DENND4C: variants seen among roughly 807,000 people sequenced by gnomAD.
DENND4C encodes DENN domain-containing protein 4C.
DENND4C carries 108 observed loss-of-function variants against 203.0 expected under a neutral mutation model. The observed-to-expected ratio is 0.53, with a 90% CI of 0.46 to 0.62. The LOEUF is 0.62. Among genes scored for constraint, DENND4C ranks in the 20% least tolerant of loss-of-function variants. The pLI is 0.00. For missense variants in DENND4C, 2,481 were observed against 2,301.2 expected (o/e 1.08, Z -1.60); for synonymous variants, 871 against 792.4 (o/e 1.10, Z -1.67).
At chr9:19,298,171 G>A in intron 7 of DENND4C, 49 bp downstream of exon 7, 1 of 1,517,620 alleles carries the variant, frequency 6.6e-7, no homozygotes, top group African/African-American at 1.4e-5. Flanking sequence ...ATGCTCACCT[G>A]AGTCATTGCA....
At chr9:19,319,342 A>G (rs1842415484) in intron 12 of DENND4C, among the ~76,000 whole-genome samples, 1 of 72,246 alleles carries the variant, frequency 1.4e-5, no homozygotes, top group African/African-American at 4.9e-5. Flanking sequence ...ATATACACAT[A>G]TATATATACT....
intron 9 of DENND4C, among the ~76,000 whole-genome samples, chr9:19,301,105 G>C (rs1214864261): frequency 1.3e-5 from 2 of 151,888 alleles, no homozygotes; most frequent in Non-Finnish European, 2.9e-5. Context: ...TTGAACCCAG[G>C]AGGCGGAGGT....
intron 1 of DENND4C, among the ~76,000 whole-genome samples, chr9:19,244,119 C>T (rs568548834): frequency 2.1e-4 from 32 of 152,306 alleles, no homozygotes; most frequent in African/African-American, 7.2e-4. Flanking sequence ...CCGCCTCCGC[C>T]TCCCGGGTTT....
intron 21 of DENND4C, 102 bp downstream of exon 21, chr9:19,341,216 T>C: frequency 1.0e-6 from 1 of 993,652 alleles, no homozygotes; most frequent in Non-Finnish European, 1.4e-6. Context: ...TTTTCACAAA[T>C]GTAAGGTCTG....
chr9:19,364,573 C>A (rs977980144), intron 30 of DENND4C, among the ~76,000 whole-genome samples: 3 of 152,190 alleles, frequency 2.0e-5, no homozygotes, highest in Non-Finnish European at 4.4e-5. Context: ...TGTTCCCAGC[C>A]CCAGCTCCAG....
chr9:19,268,290 G>T (rs1338243213), intron 1 of DENND4C, among the ~76,000 whole-genome samples: 1 of 152,054 alleles, frequency 6.6e-6, no homozygotes, highest in East Asian at 1.9e-4. Context: ...TGTAGAGACG[G>T]GGTTTTGCCA....
At chr9:19,235,890 G>A (rs187878458) in intron 1 of DENND4C, among the ~76,000 whole-genome samples, 140 of 151,814 alleles carry the variant, frequency 9.2e-4, no homozygotes, top group African/African-American at 3.4e-3. Context: ...GAGCCACTGC[G>A]CCTGGCCAGA....
chr9:19,292,098 C>T (rs1349066046), intron 5 of DENND4C, among the ~76,000 whole-genome samples: 3 of 152,008 alleles, frequency 2.0e-5, no homozygotes, highest in African/African-American at 4.8e-5. Context: ...GATCTCGGCT[C>T]ACTGCAACCT....
intron 1 of DENND4C, among the ~76,000 whole-genome samples, chr9:19,248,977 G>C (rs1825911922): frequency 6.6e-6 from 1 of 152,114 alleles, no homozygotes; most frequent in East Asian, 1.9e-4. Flanking sequence ...TTTTAGTAGA[G>C]ATGGGGTTTC....
chr9:19,332,765 ATTTTTTTT>A (rs35052178), intron 17 of DENND4C, among the ~76,000 whole-genome samples: 9 of 110,496 alleles, frequency 8.1e-5, no homozygotes, highest in African/African-American at 3.0e-4. Flanking sequence ...TCTGTTTTTG[ATTTTTTTT>A]TTTTTTTTTT....
At chr9:19,233,002 C>T (rs896858040) in intron 1 of DENND4C, among the ~76,000 whole-genome samples, 2 of 150,558 alleles carry the variant, frequency 1.3e-5, no homozygotes, top group African/African-American at 4.9e-5. Context: ...AGGGGAATCT[C>T]TTAGAGCCTA....
intron 2 of DENND4C, among the ~76,000 whole-genome samples, chr9:19,282,715 CTTT>C: frequency 1.2e-5 from 1 of 86,660 alleles, no homozygotes; most frequent in Middle Eastern, 8.1e-3. Flanking sequence ...TTTCTTCTCT[CTTT>C]TTTTTTTTTT....
At position 19,345,190 on chromosome 9, in the gene DENND4C, A is replaced by G. The variant is rs74471821; in HGVS notation, c.3152-731A>G. The stretch of plus-strand genomic sequence containing the variant: ...TTGGTCTTGGAGTGAAACAAATTGC[A>G]TGGTAGCCAAGAGTAAAAGACTGCT... On this transcript the variant is annotated intron_variant, in intron 22 of 32. Transcript: ENST00000434457. Among the ~76,000 whole-genome samples, 108 of 152,350 alleles carry G rather than the reference A, an allele frequency of 7.1e-4. 2 individuals are homozygous for G. The East Asian group carries it at 0.019, about 26-fold the overall frequency.
chr9:19,231,305 A>G (rs1347105877), intron 1 of DENND4C, among the ~76,000 whole-genome samples: 1 of 151,150 alleles, frequency 6.6e-6, no homozygotes, highest in East Asian at 1.9e-4. Flanking sequence ...GGGACTGAGA[A>G]GTGTCGGGGA....
intron 30 of DENND4C, among the ~76,000 whole-genome samples, chr9:19,363,763 C>A (rs1827022622): frequency 6.6e-6 from 1 of 152,074 alleles, no homozygotes; most frequent in Admixed American, 6.5e-5. Context: ...GTAATCCCAG[C>A]ACTTTGGGAG....
chr9:19,297,057 G>C (rs1401312909), intron 6 of DENND4C, among the ~76,000 whole-genome samples: 2 of 152,038 alleles, frequency 1.3e-5, no homozygotes, highest in East Asian at 1.9e-4. Context: ...CTTTTTTAAA[G>C]CATCTTTTCT....
intron 2 of DENND4C, among the ~76,000 whole-genome samples, chr9:19,282,362 A>G (rs1834235841): frequency 6.7e-6 from 1 of 150,160 alleles, no homozygotes; most frequent in African/African-American, 2.5e-5. Context: ...CTCAGGCGAT[A>G]ATCCTTTCAC....
chr9:19,345,976 T>G lies in DENND4C; in HGVS notation c.3207T>G (p.Phe1069Leu). 1.2e-6 allele frequency: 2 copies of G among 1,614,118 alleles called. No individual in the cohort carries two copies. Among genetic ancestry groups the G allele is most frequent in the African/African-American group, 2.7e-5 (2 of 75,084 alleles). Residue 1069 changes from phenylalanine (F) to leucine (L), a missense_variant, in exon 23 of 33, where the codon TTT becomes TTG. Physicochemically the swap from Phe to Leu is conservative, Grantham distance 22 (BLOSUM62 0). This residue lies in a region of DENND4C where 2,289 missense variants were observed against 2,113.3 expected (regional missense o/e 1.08). Transcript: ENST00000434457. ...STQDPVEDAVFGEATNLKKNG... is the reference protein window; with the variant it reads ...STQDPVEDAVLGEATNLKKNG... ...AAGATCCAGTTGAAGATGCAGTCTT[T>G]GGCGAAGCTACTAATCTCAAGAAGA...
chr9:19,297,996 A>T, intron 6 of DENND4C, 60 bp from the exon 7 acceptor site: 3 of 1,332,304 alleles, frequency 2.3e-6, no homozygotes, highest in Non-Finnish European at 3.1e-6. Flanking sequence ...AAGATTTGTT[A>T]AAAACTGTGA....
Sources: allele counts gnomAD v4.1 joint callset (sites outside exome capture counted in the v4.1 genomes callset), GRCh38; gene constraint gnomAD v4.1.1; regional missense constraint gnomAD v4.1.1; transcripts MANE v1.5; gene names NCBI Gene and HGNC (gene_info 2026-07-23, HGNC 2026-07-21).